PCDH9: variants seen among roughly 807,000 people sequenced by gnomAD.
The protein encoded by PCDH9 is protocadherin 9, also known as protocadherin-9.
Under a neutral mutation model 70.6 loss-of-function variants are expected in PCDH9, and 24 were observed. That is an observed-to-expected ratio of 0.34 (90% CI 0.25 to 0.48). The LOEUF is 0.48. PCDH9 is among the 20% of genes least tolerant of loss of function. The probability of loss-of-function intolerance (pLI) is 0.99; values close to 1 mark genes in which losing one functional copy is unlikely to be tolerated. For synonymous variants in PCDH9, 562 were observed against 558.5 expected (o/e 1.01, Z -0.09); for missense variants, 1,281 against 1,503.6 (o/e 0.85, Z 2.45).
intron 2 of PCDH9, among the ~76,000 whole-genome samples, chr13:66,991,962 T>A (rs1236624964): frequency 6.6e-6 from 1 of 152,152 alleles, no homozygotes; most frequent in Non-Finnish European, 1.5e-5. Flanking sequence ...ATGGGTTTTT[T>A]TTAAATTTAA....
intron 2 of PCDH9, among the ~76,000 whole-genome samples, chr13:67,005,997 C>A (rs1460913207): frequency 6.6e-6 from 1 of 152,074 alleles, no homozygotes; most frequent in Non-Finnish European, 1.5e-5. Context: ...GAGGCCAAGG[C>A]GGGCAGATCA....
chr13:67,159,556 G>A (rs1333342797), intron 2 of PCDH9, among the ~76,000 whole-genome samples: 2 of 152,092 alleles, frequency 1.3e-5, no homozygotes, highest in Non-Finnish European at 2.9e-5. Flanking sequence ...AACCAGACTG[G>A]ACCCCAGAAG....
intron 2 of PCDH9, among the ~76,000 whole-genome samples, chr13:67,075,177 C>T (rs1224755147): frequency 6.6e-6 from 1 of 152,072 alleles, no homozygotes; most frequent in African/African-American, 2.4e-5. Context: ...AATCCATCTA[C>T]ATCTATCATT....
rs148389546 is a variant in PCDH9, at chr13:67,077,326, T to C, written c.3036+148079A>G. 5.4e-4 allele frequency among the ~76,000 whole-genome samples: 82 copies of C among 152,318 alleles called. 1 individual carries two copies. In the East Asian group the frequency reaches 0.014, roughly 26 times the overall value. ...CAGGGCCTTTGCCCTTATTGATTCC[T>C]TTGTTATTTTGCCTCAGATAGTCAC... is the stretch of plus-strand genomic sequence containing the variant. On this transcript the variant is annotated intron_variant, in intron 2 of 4. Transcript: ENST00000377865.
At chr13:66,879,093 C>A (rs926342198) in intron 3 of PCDH9, among the ~76,000 whole-genome samples, 2 of 152,090 alleles carry the variant, frequency 1.3e-5, no homozygotes, top group East Asian at 1.9e-4. Flanking sequence ...AGTAGACAGT[C>A]ATTTTGGAAA....
intron 3 of PCDH9, among the ~76,000 whole-genome samples, chr13:66,685,559 G>A (rs1373206968): frequency 1.3e-5 from 2 of 152,228 alleles, no homozygotes; most frequent in Admixed American, 1.3e-4. Context: ...GTACTGCCTA[G>A]TGGAGATGTG....
chr13:66,840,181 T>C (rs1282245945), intron 3 of PCDH9, among the ~76,000 whole-genome samples: 1 of 152,144 alleles, frequency 6.6e-6, no homozygotes, highest in Non-Finnish European at 1.5e-5. Context: ...AAAAAAAATC[T>C]AGCACCATTT....
At chr13:66,884,009 T>A (rs1215651218) in intron 3 of PCDH9, among the ~76,000 whole-genome samples, 3 of 151,496 alleles carry the variant, frequency 2.0e-5, no homozygotes, top group Non-Finnish European at 4.4e-5. Flanking sequence ...TTCAAGCGAT[T>A]CTCCTGCCTC....
At chr13:66,390,410 A>G (rs772204476) in intron 4 of PCDH9, among the ~76,000 whole-genome samples, 1 of 152,150 alleles carries the variant, frequency 6.6e-6, no homozygotes, top group Non-Finnish European at 1.5e-5. Flanking sequence ...AACGACAGCC[A>G]TAAATGGATA....
At chr13:66,556,503 A>G (rs1319117762) in intron 4 of PCDH9, among the ~76,000 whole-genome samples, 2 of 152,112 alleles carry the variant, frequency 1.3e-5, no homozygotes, top group Non-Finnish European at 2.9e-5. Flanking sequence ...TGGTCAGATG[A>G]CCCTGCCTAA....
At chr13:66,683,122 G>A (rs1200450361) in intron 3 of PCDH9, among the ~76,000 whole-genome samples, 1 of 152,120 alleles carries the variant, frequency 6.6e-6, no homozygotes, top group African/African-American at 2.4e-5. Context: ...TGACACCCAA[G>A]GTGAGTGGCT....
intron 2 of PCDH9, among the ~76,000 whole-genome samples, chr13:67,010,608 T>A (rs993384965): frequency 1.3e-5 from 2 of 152,002 alleles, no homozygotes; most frequent in African/African-American, 4.8e-5. Flanking sequence ...GGATCTTCTA[T>A]TACTAGTTTA....
In PCDH9 at chr13:67,226,136, G is replaced by A. The variant is rs747234063; in HGVS notation, c.2305C>T (p.Leu769Phe). The A allele has an allele frequency of 2.7e-5, 44 of 1,614,136 alleles. No homozygotes were observed. The highest frequency in any genetic ancestry group is 3.7e-5 in the Non-Finnish European group (44 of 1,180,022). Residue 769 changes from leucine to phenylalanine, a missense_variant, in exon 2 of 5, where the codon CTT becomes TTT. This residue lies in a region of PCDH9 where 798 missense variants were observed against 1,003.1 expected (regional missense o/e 0.80). Transcript: ENST00000377865. This position sits in a 1 kb window ranked among gnomAD's most constrained non-coding sequence, Gnocchi z 5.0. The part of the protein sequence containing the change: ...GYPKSLHTLV[L>F]VFLYVNDTAG... The stretch of plus-strand genomic sequence containing the variant: ...GTGTCGTTAACATAAAGGAATACAA[G>A]CACAAGCGTGTGCAAAGACTTAGGG...
intron 4 of PCDH9, among the ~76,000 whole-genome samples, chr13:66,409,955 C>T (rs957097649): frequency 6.6e-6 from 1 of 152,196 alleles, no homozygotes; most frequent in Non-Finnish European, 1.5e-5. Context: ...AGTCACCTAA[C>T]AGCAGTGAGA....
intron 2 of PCDH9, among the ~76,000 whole-genome samples, chr13:67,155,617 T>C (rs1370087579): frequency 6.6e-6 from 1 of 152,024 alleles, no homozygotes; most frequent in Non-Finnish European, 1.5e-5. Flanking sequence ...CTCAGGGGCA[T>C]CCTCCTTTTC....
chr13:66,506,073 G>A (rs901979066), intron 4 of PCDH9, among the ~76,000 whole-genome samples: 1 of 152,102 alleles, frequency 6.6e-6, no homozygotes, highest in East Asian at 1.9e-4. Flanking sequence ...ATAGTAAATT[G>A]CTAATACTTC....
At chr13:66,475,674 T>G (rs141429240) in intron 4 of PCDH9, among the ~76,000 whole-genome samples, 19 of 152,194 alleles carry the variant, frequency 1.2e-4, no homozygotes, top group Non-Finnish European at 5.9e-5. Context: ...ACGAATTCTA[T>G]TTAGTAATGA....
intron 4 of PCDH9, among the ~76,000 whole-genome samples, chr13:66,317,140 T>C (rs1232670296): frequency 1.3e-5 from 2 of 152,168 alleles, no homozygotes; most frequent in East Asian, 1.9e-4. Flanking sequence ...CTTTGCTTTT[T>C]TCATACATCT....
rs139773417 is a variant in PCDH9 at position 67,227,046 on chromosome 13, G to A, written c.1395C>T (p.Asn465=). Residue 465 remains asparagine (N), a synonymous_variant, in exon 2 of 5, where the codon AAC becomes AAT. Coordinates refer to ENST00000377865, the MANE Select transcript of PCDH9 (RefSeq NM_203487.3). The surrounding 1 kb of genome is among the most constrained non-coding windows in gnomAD (Gnocchi z 4.6). ...VRVKLEDEND[N]PPIFNQPVIE... ...TTACAGGCTGGTTGAAAATTGGTGG[G>A]TTGTCATTTTCATCCTCAAGCTTAA... 1.7e-3 allele frequency: 2,822 copies of A among 1,614,088 alleles called. 5 individuals carry two copies. The highest frequency in any genetic ancestry group is 2.2e-3 in the Non-Finnish European group (2,604 of 1,179,980).
Sources: gnomAD v4.1 joint callset for allele counts (sites outside exome capture counted in the v4.1 genomes callset) on GRCh38, gnomAD v4.1.1 for gene constraint, gnomAD v4.1.1 regional missense constraint, Gnocchi (gnomAD v3.1) non-coding constraint, MANE v1.5 for transcripts, NCBI Gene and HGNC (gene_info 2026-07-23, HGNC 2026-07-21) for gene names.